The following RHBDD1 variants were observed in gnomAD, a reference collection of about 807,000 sequenced individuals.
RHBDD1 encodes the protein rhomboid-related protein 4.
A neutral mutation model predicts 36.3 loss-of-function variants in RHBDD1; 38 were observed. The observed-to-expected ratio is 1.05, with a 90% CI of 0.81 to 1.37. RHBDD1 has a LOEUF of 1.37. RHBDD1 is among the 40% of genes most tolerant of loss of function. The pLI is 0.00. For synonymous variants in RHBDD1, 151 were observed against 136.5 expected (o/e 1.11, Z -0.74); for missense variants, 393 against 377.6 (o/e 1.04, Z -0.34).
chr2:226,874,873 T>A (rs1282176511), intron 5 of RHBDD1, among the ~76,000 whole-genome samples: 1 of 152,212 alleles, frequency 6.6e-6, no homozygotes, highest in African/African-American at 2.4e-5. Context: ...TGTCTCAGCC[T>A]GTGCGTGTGC....
chr2:226,862,425 G>A (rs1943942404), intron 3 of RHBDD1, among the ~76,000 whole-genome samples: 1 of 150,634 alleles, frequency 6.6e-6, no homozygotes, highest in African/African-American at 2.5e-5. Context: ...AATCCTTAGG[G>A]TATTAGAGTG....
the RHBDD1 span, among the ~76,000 whole-genome samples, chr2:226,816,375 CAAAAAAAAAAAAA>C: frequency 1.5e-5 from 1 of 64,940 alleles, no homozygotes; most frequent in Non-Finnish European, 3.5e-5. Flanking sequence ...GGAATGGTGG[CAAAAAAAAAAAAA>C]AAAAAAAAGA....
chr2:226,988,339 A>C lies in RHBDD1; in HGVS notation c.857-7092A>C, dbSNP rs1957457128. On this transcript the variant is annotated intron_variant, in intron 8 of 8. Coordinates refer to ENST00000392062, the MANE Select transcript of RHBDD1 (RefSeq NM_001167608.3). ...CCACCTGAACATCTGCAGGAAAACCAGGTCATAAAGAGACAATGGCAAGTC... is the reference window on the plus strand; with the variant it reads ...CCACCTGAACATCTGCAGGAAAACCCGGTCATAAAGAGACAATGGCAAGTC... 3 of 1,549,478 alleles carry C rather than the reference A, an allele frequency of 1.9e-6. No homozygotes were observed. The East Asian group carries it at 7.3e-5, about 38-fold the overall frequency.
intron 8 of RHBDD1, among the ~76,000 whole-genome samples, chr2:226,940,974 T>G (rs1950623878): frequency 1.3e-5 from 2 of 151,130 alleles, no homozygotes; most frequent in Non-Finnish European, 2.9e-5. Flanking sequence ...TGAGATGGAA[T>G]CTCGCTCTAT....
intron 8 of RHBDD1, among the ~76,000 whole-genome samples, chr2:226,936,525 A>G (rs1345578459): frequency 2.6e-5 from 4 of 152,144 alleles, no homozygotes; most frequent in Non-Finnish European, 5.9e-5. Context: ...CCCCCATAAT[A>G]ATCATTTATT....
intron 5 of RHBDD1, chr2:226,869,232 G>A: frequency 1.0e-6 from 1 of 965,812 alleles, no homozygotes; most frequent in Non-Finnish European, 1.2e-6. Flanking sequence ...CTGAGCTTGG[G>A]AAGTAAATGA....
At chr2:226,805,340 G>A in the RHBDD1 span, among the ~76,000 whole-genome samples, 2 of 152,208 alleles carry the variant, frequency 1.3e-5, no homozygotes, top group African/African-American at 4.8e-5. Flanking sequence ...AGTCTCCTGA[G>A]TAGCTGGGAT....
the RHBDD1 span, chr2:226,804,641 A>C: frequency 1.3e-5 from 2 of 152,212 alleles, no homozygotes; most frequent in African/African-American, 2.4e-5. Flanking sequence ...AAGAACTAAC[A>C]TGGGATTTTG....
chr2:226,952,009 T>C (rs1237718687), intron 8 of RHBDD1, among the ~76,000 whole-genome samples: 2 of 152,196 alleles, frequency 1.3e-5, no homozygotes, highest in Non-Finnish European at 2.9e-5. Context: ...TTGGGGAGCT[T>C]TGTACAGTTG....
Position 226,950,297 on chromosome 2 carries a change from C to T in RHBDD1, c.856+35946C>T, listed in dbSNP as rs548700053. On this transcript the variant is annotated intron_variant, in intron 8 of 8. Coordinates refer to ENST00000392062, the MANE Select transcript of RHBDD1 (RefSeq NM_001167608.3). ...ATAAGTGAGATCATACAGTATTTGT[C>T]TTTCTGTGCCTGGCTTATTTTATTT... 2.6e-5 allele frequency among the ~76,000 whole-genome samples: 4 copies of T among 152,298 alleles called. No individual in the cohort carries two copies. In the South Asian group the frequency reaches 8.3e-4, roughly 32 times the overall value.
intron 4 of RHBDD1, among the ~76,000 whole-genome samples, chr2:226,866,594 T>C (rs1050266255): frequency 6.6e-6 from 1 of 152,172 alleles, no homozygotes; most frequent in Non-Finnish European, 1.5e-5. Flanking sequence ...AGTTCCTTTT[T>C]ACAGATATTT....
chr2:226,810,280 C>T, the RHBDD1 span, among the ~76,000 whole-genome samples: 1 of 151,874 alleles, frequency 6.6e-6, no homozygotes, highest in Non-Finnish European at 1.5e-5. Flanking sequence ...TGGCTCATGC[C>T]TGTAATCCTA....
chr2:226,885,848 T>C (rs1946157524), intron 5 of RHBDD1, among the ~76,000 whole-genome samples: 1 of 152,184 alleles, frequency 6.6e-6, no homozygotes, highest in African/African-American at 2.4e-5. Flanking sequence ...CCATGGATAG[T>C]GCAGAACAAT....
chr2:226,811,191 A>C, the RHBDD1 span, among the ~76,000 whole-genome samples: 1 of 151,778 alleles, frequency 6.6e-6, no homozygotes, highest in African/African-American at 2.4e-5. Flanking sequence ...ATTTCTGGGG[A>C]CTCTAAAGCA....
chr2:226,878,486 T>G (rs1945429195), intron 5 of RHBDD1, among the ~76,000 whole-genome samples: 1 of 152,210 alleles, frequency 6.6e-6, no homozygotes, highest in East Asian at 1.9e-4. Flanking sequence ...TCACATTGCT[T>G]CTGAAACAAG....
intron 8 of RHBDD1, among the ~76,000 whole-genome samples, chr2:226,953,296 G>A (rs541752362): frequency 1.6e-4 from 25 of 152,208 alleles, no homozygotes; most frequent in South Asian, 1.5e-3. Context: ...ATAACCCAAC[G>A]GTGTGGTTGT....
chr2:226,825,447 A>G, the RHBDD1 span, among the ~76,000 whole-genome samples: 1 of 152,214 alleles, frequency 6.6e-6, no homozygotes, highest in East Asian at 1.9e-4. Flanking sequence ...ACCAAATTTA[A>G]TTTTTAGAAA....
At chr2:226,887,977 T>C (rs1946374168) in intron 5 of RHBDD1, among the ~76,000 whole-genome samples, 1 of 152,186 alleles carries the variant, frequency 6.6e-6, no homozygotes, top group African/African-American at 2.4e-5. Context: ...GGTGAAGTAG[T>C]TTTCTAATAG....
chr2:226,918,072 A>T (rs960257359), intron 8 of RHBDD1, among the ~76,000 whole-genome samples: 1 of 152,058 alleles, frequency 6.6e-6, no homozygotes, highest in East Asian at 1.9e-4. Flanking sequence ...ATAGAAAATA[A>T]TTTTAACATA....
Sources: gnomAD v4.1 joint callset for allele counts (sites outside exome capture counted in the v4.1 genomes callset) on GRCh38, gnomAD v4.1.1 for gene constraint, MANE v1.5 for transcripts, NCBI Gene and HGNC (gene_info 2026-07-23, HGNC 2026-07-21) for gene names.